Variants in PTPRD observed in about 807,000 individuals in gnomAD.
PTPRD encodes the protein receptor-type tyrosine-protein phosphatase delta.
In PTPRD, 34 loss-of-function variants were observed where a neutral mutation model predicts 214.5. That is an observed-to-expected ratio of 0.16 (90% CI 0.12 to 0.21). The LOEUF is 0.21. Ranked by LOEUF, PTPRD falls within the 10% of genes least tolerant of loss-of-function variation. PTPRD has a pLI of 1.00. For synonymous variants in PTPRD, 1,128 were observed against 845.7 expected (o/e 1.33, Z -5.79); for missense variants, 2,545 against 2,398.7 (o/e 1.06, Z -1.27).
intron 11 of PTPRD, among the ~76,000 whole-genome samples, chr9:8,794,246 T>C (rs529160500): frequency 5.9e-5 from 9 of 152,226 alleles, no homozygotes; most frequent in East Asian, 1.9e-4. Flanking sequence ...GAATCATCTA[T>C]AGTGTAGAGC....
chr9:9,290,170 A>G (rs1400630020), intron 9 of PTPRD, among the ~76,000 whole-genome samples: 1 of 151,692 alleles, frequency 6.6e-6, no homozygotes, highest in Non-Finnish European at 1.5e-5. Context: ...GTGAGGTGAT[A>G]CCTCATTGTG....
chr9:8,551,265 T>G (rs1380823596), intron 14 of PTPRD, among the ~76,000 whole-genome samples: 1 of 152,202 alleles, frequency 6.6e-6, no homozygotes, highest in East Asian at 1.9e-4. Flanking sequence ...TTTTTTCAAT[T>G]TCAGAAGCCA....
intron 2 of PTPRD, among the ~76,000 whole-genome samples, chr9:10,469,336 T>C (rs559618568): frequency 1.3e-5 from 2 of 152,244 alleles, no homozygotes; most frequent in African/African-American, 4.8e-5. Context: ...ATCAGGTGTA[T>C]GGCAAAAAAT....
chr9:9,401,305 T>C (rs2070357138), intron 8 of PTPRD, among the ~76,000 whole-genome samples: 1 of 151,992 alleles, frequency 6.6e-6, no homozygotes, highest in African/African-American at 2.4e-5. Flanking sequence ...TATATACAGA[T>C]ATATATACAC....
intron 37 of PTPRD, among the ~76,000 whole-genome samples, chr9:8,388,982 CTTTTT>C (rs34248103): frequency 3.8e-5 from 5 of 130,052 alleles, no homozygotes; most frequent in African/African-American, 8.4e-5. Context: ...GTGAATATTC[CTTTTT>C]TTTTTTTTTT....
chr9:9,429,867 A>G (rs919643046), intron 8 of PTPRD, among the ~76,000 whole-genome samples: 1 of 152,032 alleles, frequency 6.6e-6, no homozygotes, highest in Non-Finnish European at 1.5e-5. Context: ...CATGCTAAAA[A>G]CTCTCAATAA....
intron 2 of PTPRD, among the ~76,000 whole-genome samples, chr9:10,549,151 G>C (rs1247772011): frequency 6.6e-6 from 1 of 152,112 alleles, no homozygotes; most frequent in African/African-American, 2.4e-5. Context: ...TAGAATAATT[G>C]TTCTGTGTAG....
intron 5 of PTPRD, among the ~76,000 whole-genome samples, chr9:9,859,988 C>A (rs1242210461): frequency 6.6e-6 from 1 of 152,160 alleles, no homozygotes; most frequent in African/African-American, 2.4e-5. Flanking sequence ...CTAACAACAA[C>A]AACAAACTCC....
At chr9:9,598,607 C>CT (rs1171740888) in intron 7 of PTPRD, among the ~76,000 whole-genome samples, 2 of 151,924 alleles carry the variant, frequency 1.3e-5, no homozygotes, top group Non-Finnish European at 2.9e-5. Flanking sequence ...TTTTATAGAC[C>CT]TTTTAAAACT....
intron 9 of PTPRD, among the ~76,000 whole-genome samples, chr9:9,307,666 G>A (rs1333785642): frequency 6.6e-6 from 1 of 152,114 alleles, no homozygotes; most frequent in East Asian, 1.9e-4. Flanking sequence ...GTGCCAAAGT[G>A]ATCATTCTGA....
intron 10 of PTPRD, among the ~76,000 whole-genome samples, chr9:9,057,778 A>C (rs2099699053): frequency 6.6e-6 from 1 of 152,192 alleles, no homozygotes; most frequent in Non-Finnish European, 1.5e-5. Flanking sequence ...TGCATAATTT[A>C]GATCTTTAAT....
intron 8 of PTPRD, among the ~76,000 whole-genome samples, chr9:9,521,524 A>G (rs897302538): frequency 3.3e-5 from 5 of 152,184 alleles, no homozygotes; most frequent in African/African-American, 1.2e-4. Context: ...CCAAGAATGC[A>G]TTGGGAAGTA....
At chr9:8,428,023 G>A (rs927840770) in intron 35 of PTPRD, among the ~76,000 whole-genome samples, 1 of 152,156 alleles carries the variant, frequency 6.6e-6, no homozygotes, top group South Asian at 2.1e-4. Context: ...TAAGTACTAT[G>A]ACTGCTTCTT....
At chr9:9,495,633 C>T (rs1225292650) in intron 8 of PTPRD, among the ~76,000 whole-genome samples, 5 of 152,088 alleles carry the variant, frequency 3.3e-5, no homozygotes, top group Non-Finnish European at 4.4e-5. Context: ...TCTGCCCTTC[C>T]CATCCCCGCC....
chr9:8,640,656 C>T (rs2096556168), intron 12 of PTPRD, among the ~76,000 whole-genome samples: 1 of 145,350 alleles, frequency 6.9e-6, no homozygotes, highest in Admixed American at 6.9e-5. Flanking sequence ...TAAATAATTT[C>T]AGGGGCTTTT....
chr9:8,363,662 G>C (rs1382207053), intron 39 of PTPRD, among the ~76,000 whole-genome samples: 1 of 152,198 alleles, frequency 6.6e-6, no homozygotes, highest in Non-Finnish European at 1.5e-5. Context: ...AGAGCAGTGA[G>C]AAAGAAATTA....
chr9:9,316,031 G>C (rs1440611333), intron 9 of PTPRD, among the ~76,000 whole-genome samples: 1 of 151,792 alleles, frequency 6.6e-6, no homozygotes, highest in East Asian at 1.9e-4. Flanking sequence ...ATATCATAAA[G>C]CTTTATGTTT....
chr9:10,356,272 C>T (rs938766984), intron 2 of PTPRD, among the ~76,000 whole-genome samples: 1 of 152,104 alleles, frequency 6.6e-6, no homozygotes, highest in Non-Finnish European at 1.5e-5. Context: ...GATTATTTAT[C>T]TATCAGGAAT....
intron 7 of PTPRD, among the ~76,000 whole-genome samples, chr9:9,591,111 G>A (rs1000193623): frequency 6.6e-6 from 1 of 151,982 alleles, no homozygotes; most frequent in Non-Finnish European, 1.5e-5. Context: ...AAAATAGGAG[G>A]ATTGTCTGGG....
Sources: gnomAD v4.1 joint callset for allele counts (sites outside exome capture counted in the v4.1 genomes callset) on GRCh38, gnomAD v4.1.1 for gene constraint, MANE v1.5 for transcripts, NCBI Gene and HGNC (gene_info 2026-07-23, HGNC 2026-07-21) for gene names.